Variants in AGBL1 observed in about 807,000 individuals in gnomAD.
AGBL1 encodes the protein AGBL carboxypeptidase 1, also known as cytosolic carboxypeptidase 4.
In AGBL1, 130 loss-of-function variants were observed where a neutral mutation model predicts 118.9. That is an observed-to-expected ratio of 1.09 (90% CI 0.95 to 1.26). The LOEUF is 1.26. AGBL1 is among the 50% of genes most tolerant of loss of function. The pLI, the probability that AGBL1 is intolerant of heterozygous loss-of-function variation, is 0.00. For synonymous variants in AGBL1, 555 were observed against 478.9 expected, an observed-to-expected ratio of 1.16 and a Z score of -2.08; for missense variants, 1,584 against 1,298.1, an observed-to-expected ratio of 1.22 and a Z score of -3.38.
intron 18 of AGBL1, among the ~76,000 whole-genome samples, chr15:86,413,505 C>G (rs564178996): frequency 6.6e-6 from 1 of 152,028 alleles, no homozygotes; most frequent in East Asian, 1.9e-4. Flanking sequence ...TATAAGTGGT[C>G]CCTTTTCTCT....
intron 1 of AGBL1, among the ~76,000 whole-genome samples, chr15:86,099,494 A>C (rs1487160018): frequency 6.8e-6 from 1 of 147,698 alleles, no homozygotes; most frequent in East Asian, 2.0e-4. Context: ...AGATTATGGT[A>C]TTTTCAAAGG....
intron 5 of AGBL1, among the ~76,000 whole-genome samples, chr15:86,162,692 C>G (rs904047927): frequency 6.6e-6 from 1 of 152,190 alleles, no homozygotes; most frequent in African/African-American, 2.4e-5. Flanking sequence ...GCTATGATAG[C>G]CCTCTAGTTG....
At position 86,909,850 on chromosome 15, in the gene AGBL1, T is replaced by G. The variant is rs941798562; in HGVS notation, c.*2556T>G. 1.3e-5 allele frequency: 2 copies of G among 152,230 alleles called. No homozygotes were observed. The highest frequency in any genetic ancestry group is 4.8e-5 in the African/African-American group (2 of 41,450). 9.4% of individuals were successfully genotyped at this position (152,230 alleles called of 1,614,324 possible). The stretch of plus-strand genomic sequence containing the variant: ...GGGGTTAGCTTCTGGTCATGAGGCA[T>G]GTTTCTTAAAAAACGTGACCATGAC... On this transcript the variant is annotated 3_prime_UTR_variant, in exon 23 of 23. Coordinates refer to ENST00000614907, the MANE Select transcript of AGBL1 (RefSeq NM_001386094.1).
At chr15:86,433,091 G>A (rs1567256145) in intron 18 of AGBL1, among the ~76,000 whole-genome samples, 2 of 152,154 alleles carry the variant, frequency 1.3e-5, no homozygotes, top group Non-Finnish European at 2.9e-5. Flanking sequence ...ATAGGCCGGA[G>A]CAGGGTGGAT....
intron 22 of AGBL1, among the ~76,000 whole-genome samples, chr15:86,688,115 A>G (rs758211273): frequency 1.1e-4 from 17 of 152,162 alleles, no homozygotes; most frequent in Non-Finnish European, 2.5e-4. Context: ...CAACAAGCGC[A>G]TGTCGTTGTT....
At chr15:86,792,229 A>G (rs1596484980) in intron 22 of AGBL1, among the ~76,000 whole-genome samples, 1 of 152,202 alleles carries the variant, frequency 6.6e-6, no homozygotes, top group East Asian at 1.9e-4. Flanking sequence ...TTTGCTCTGC[A>G]TCAGAATTCC....
intron 15 of AGBL1, among the ~76,000 whole-genome samples, chr15:86,275,997 C>T (rs529418626): frequency 7.9e-5 from 12 of 152,044 alleles, no homozygotes; most frequent in African/African-American, 1.4e-4. Context: ...AGATAAAACA[C>T]GTGTAAAGGT....
intron 22 of AGBL1, among the ~76,000 whole-genome samples, chr15:86,758,337 C>A (rs955944894): frequency 6.6e-6 from 1 of 152,072 alleles, no homozygotes; most frequent in African/African-American, 2.4e-5. Context: ...TACTCATTAT[C>A]TTAATTGATG....
At chr15:86,126,269 C>T (rs1382922942) in intron 1 of AGBL1, among the ~76,000 whole-genome samples, 1 of 152,146 alleles carries the variant, frequency 6.6e-6, no homozygotes, top group East Asian at 1.9e-4. Flanking sequence ...AGTTTCTATT[C>T]AGCCTTATTT....
chr15:86,149,454 CA>C (rs962003553), intron 3 of AGBL1, among the ~76,000 whole-genome samples: 2 of 150,898 alleles, frequency 1.3e-5, no homozygotes, highest in Non-Finnish European at 3.0e-5. Context: ...AAATGGAAAG[CA>C]AAAAAAAGCA....
chr15:86,318,895 G>A (rs1433177570), intron 17 of AGBL1, among the ~76,000 whole-genome samples: 2 of 151,832 alleles, frequency 1.3e-5, no homozygotes, highest in Non-Finnish European at 2.9e-5. Flanking sequence ...AGCTGAGTTG[G>A]CCATAGTTTA....
chr15:86,428,700 T>A (rs985322361), intron 18 of AGBL1, among the ~76,000 whole-genome samples: 1 of 152,300 alleles, frequency 6.6e-6, no homozygotes, highest in Admixed American at 6.5e-5. Flanking sequence ...TGAGGATGGA[T>A]CAATAATAGA....
chr15:86,955,972 A>G (rs2141677502), intron 23 of AGBL1, among the ~76,000 whole-genome samples: 1 of 152,256 alleles, frequency 6.6e-6, no homozygotes, highest in African/African-American at 2.4e-5. Context: ...AGCATTTTGG[A>G]ATGAAATTAA....
At chr15:86,827,494 T>C (rs1297278814) in intron 22 of AGBL1, among the ~76,000 whole-genome samples, 4 of 37,776 alleles carry the variant, frequency 1.1e-4, no homozygotes, top group African/African-American at 1.9e-4. Flanking sequence ...TGTGTGTATA[T>C]ATATATATAT....
At chr15:86,921,847 C>A (rs573697659) in intron 23 of AGBL1, among the ~76,000 whole-genome samples, 1 of 152,088 alleles carries the variant, frequency 6.6e-6, no homozygotes, top group Non-Finnish European at 1.5e-5. Context: ...CCAGACTGTC[C>A]GCTCTCCCAT....
chr15:86,689,140 G>A (rs1164113366), intron 22 of AGBL1, among the ~76,000 whole-genome samples: 4 of 152,072 alleles, frequency 2.6e-5, no homozygotes, highest in Non-Finnish European at 5.9e-5. Context: ...AGCCTGAGAC[G>A]CATCAGTTCT....
At position 86,397,403 on chromosome 15, in the gene AGBL1, T is replaced by G; in HGVS notation, c.2412T>G (p.His804Gln). The change falls in exon 18 of 23, where the codon CAT becomes CAG. Residue 804 changes from histidine (H) to glutamine (Q), a missense_variant. Physicochemically the swap from His to Gln is conservative, Grantham distance 24. Coordinates refer to ENST00000614907, the MANE Select transcript of AGBL1 (RefSeq NM_001386094.1). ...RPYQVITARV[H>Q]PGESNASWVM... ...ATCAGGTGATCACTGCTCGAGTTCA[T>G]CCAGGAGAGAGCAATGCCAGTTGGG... is the stretch of plus-strand genomic sequence containing the variant. The G allele has an allele frequency of 6.2e-7, 1 of 1,612,678 alleles. No individual in the cohort carries two copies. The highest frequency in any genetic ancestry group is 1.1e-5 in the South Asian group (1 of 90,938).
chr15:86,633,875 A>AT (rs1157206493), intron 21 of AGBL1, among the ~76,000 whole-genome samples: 1 of 15,140 alleles, frequency 6.6e-5, no homozygotes, highest in African/African-American at 1.5e-4. Flanking sequence ...GTATATATAT[A>AT]ATGTATATAT....
chr15:86,332,729 A>AC (rs1221869352), intron 17 of AGBL1, among the ~76,000 whole-genome samples: 2 of 151,762 alleles, frequency 1.3e-5, no homozygotes, highest in African/African-American at 4.8e-5. Context: ...AGAATACTCC[A>AC]CCCATCAACT....
Sources: allele counts gnomAD v4.1 joint callset (sites outside exome capture counted in the v4.1 genomes callset), GRCh38; gene constraint gnomAD v4.1.1; transcripts MANE v1.5; gene names NCBI Gene and HGNC (gene_info 2026-07-23, HGNC 2026-07-21).